The following STPG2 variants were observed in gnomAD, a reference collection of about 807,000 sequenced individuals.
STPG2 encodes the protein sperm tail PG-rich repeat containing 2, also known as sperm-tail PG-rich repeat-containing protein 2.
STPG2 carries 56 observed loss-of-function variants against 54.2 expected under a neutral mutation model. The observed-to-expected ratio is 1.03, with a 90% CI of 0.83 to 1.29. The LOEUF (loss-of-function observed/expected upper bound fraction) is 1.29. STPG2 is among the 50% of genes most tolerant of loss of function. The pLI is 0.00. For missense variants in STPG2, 596 were observed against 544.9 expected (o/e 1.09, Z -0.93); for synonymous variants, 200 against 181.8 (o/e 1.10, Z -0.81).
At chr4:97,758,802 G>A (rs890828829) in intron 9 of STPG2, among the ~76,000 whole-genome samples, 2 of 151,890 alleles carry the variant, frequency 1.3e-5, no homozygotes, top group Non-Finnish European at 2.9e-5. Context: ...TTAAAAAAAT[G>A]ACAGACATTT....
At chr4:98,139,940 G>A (rs551747218) in intron 1 of STPG2, among the ~76,000 whole-genome samples, 301 of 152,268 alleles carry the variant, frequency 2.0e-3, no homozygotes, top group African/African-American at 7.1e-3. Flanking sequence ...AGGAATAATG[G>A]AGTAAAGATC....
chr4:97,993,666 ATTC>A (rs1735097170), intron 5 of STPG2, among the ~76,000 whole-genome samples: 1 of 151,934 alleles, frequency 6.6e-6, no homozygotes, highest in African/African-American at 2.4e-5. Context: ...ATTGGTACCA[ATTC>A]TTCTTTGAAT....
At chr4:97,581,701 G>C (rs1732867459) in intron 10 of STPG2, among the ~76,000 whole-genome samples, 1 of 151,908 alleles carries the variant, frequency 6.6e-6, no homozygotes, top group Non-Finnish European at 1.5e-5. Flanking sequence ...AACACAAATG[G>C]GACAGGAGAA....
At chr4:97,799,475 G>T (rs1406018238) in intron 9 of STPG2, among the ~76,000 whole-genome samples, 1 of 152,162 alleles carries the variant, frequency 6.6e-6, no homozygotes, top group Non-Finnish European at 1.5e-5. Flanking sequence ...ATTTTGGGTT[G>T]AAAATTCTTT....
chr4:97,902,666 T>C (rs1277606617), intron 8 of STPG2, among the ~76,000 whole-genome samples: 1 of 152,054 alleles, frequency 6.6e-6, no homozygotes, highest in African/African-American at 2.4e-5. Context: ...TGAGGATGTG[T>C]AGAAAAGAAA....
intron 2 of STPG2, among the ~76,000 whole-genome samples, chr4:98,133,808 T>C (rs933148516): frequency 1.3e-5 from 2 of 151,992 alleles, no homozygotes; most frequent in Non-Finnish European, 2.9e-5. Flanking sequence ...CCAATACATA[T>C]AAATGCAAAA....
At chr4:97,933,490 G>T (rs570363560) in intron 8 of STPG2, among the ~76,000 whole-genome samples, 1 of 152,242 alleles carries the variant, frequency 6.6e-6, no homozygotes, top group African/African-American at 2.4e-5. Context: ...GGTTTTTACG[G>T]TTTTGGGTTT....
intron 5 of STPG2, among the ~76,000 whole-genome samples, chr4:98,069,333 A>T (rs1737931528): frequency 6.6e-6 from 1 of 152,046 alleles, no homozygotes; most frequent in East Asian, 1.9e-4. Context: ...ACTGATATGC[A>T]AACTTTTACG....
At chr4:97,737,183 AG>A (rs1323849718) in intron 9 of STPG2, among the ~76,000 whole-genome samples, 11 of 152,216 alleles carry the variant, frequency 7.2e-5, no homozygotes, top group African/African-American at 2.7e-4. Flanking sequence ...ATGAACAGAA[AG>A]GACATCCACA....
At chr4:97,848,185 T>G (rs1223920057) in intron 8 of STPG2, among the ~76,000 whole-genome samples, 1 of 152,194 alleles carries the variant, frequency 6.6e-6, no homozygotes, top group Non-Finnish European at 1.5e-5. Flanking sequence ...TCAAGTAGTA[T>G]CTCTTTCATT....
At chr4:97,660,072 A>G (rs998988364) in intron 10 of STPG2, among the ~76,000 whole-genome samples, 1 of 148,122 alleles carries the variant, frequency 6.8e-6, no homozygotes, top group African/African-American at 2.5e-5. Context: ...GCGCAATCTC[A>G]GCTCACTGCA....
In STPG2 at chr4:97,990,760, T is replaced by C. The variant is rs970441253; in HGVS notation, c.613-9442A>G. ...TGAAACAGGTTATTTATGGCATCTTTTCATCTGTAACCTAACAAAAAATGA... is the reference window on the plus strand; with the variant it reads ...TGAAACAGGTTATTTATGGCATCTTCTCATCTGTAACCTAACAAAAAATGA... On this transcript the variant is annotated intron_variant, in intron 5 of 10. Coordinates refer to ENST00000295268, the MANE Select transcript of STPG2 (RefSeq NM_174952.3). Among the ~76,000 whole-genome samples, 4 of 152,324 alleles carry C rather than the reference T, an allele frequency of 2.6e-5. No individual in the cohort carries two copies. The East Asian group carries it at 7.7e-4, about 29-fold the overall frequency.
intron 8 of STPG2, among the ~76,000 whole-genome samples, chr4:97,890,463 A>G (rs906076078): frequency 5.3e-5 from 8 of 151,924 alleles, no homozygotes; most frequent in Admixed American, 2.0e-4. Context: ...TAAATTTTAA[A>G]AAATTATTTA....
rs183218980 is a variant in STPG2 at position 97,725,833 on chromosome 4, G to A, written c.1205-13019C>T. On this transcript the variant is annotated intron_variant, in intron 9 of 10. Coordinates refer to ENST00000295268, the MANE Select transcript of STPG2 (RefSeq NM_174952.3). ...TCCAGGCATTGAAAGATATTCAGCCGTAGATATATTACTGTGAAACTGTAG... is the reference window on the plus strand; with the variant it reads ...TCCAGGCATTGAAAGATATTCAGCCATAGATATATTACTGTGAAACTGTAG... 2.1e-3 allele frequency among the ~76,000 whole-genome samples: 323 copies of A among 151,826 alleles called. 2 individuals are homozygous for A. Among genetic ancestry groups the A allele is most frequent in the Admixed American group, 9.8e-4 (15 of 15,264 alleles).
chr4:97,652,185 C>A (rs942733678), intron 10 of STPG2, among the ~76,000 whole-genome samples: 1 of 151,826 alleles, frequency 6.6e-6, no homozygotes, highest in Admixed American at 6.6e-5. Context: ...AAAAATATTT[C>A]TATTTACACA....
At chr4:97,792,998 C>T (rs1727050175) in intron 9 of STPG2, among the ~76,000 whole-genome samples, 1 of 151,900 alleles carries the variant, frequency 6.6e-6, no homozygotes, top group Non-Finnish European at 1.5e-5. Context: ...ACTAATAATA[C>T]AAAAATTAGC....
chr4:97,935,399 T>C (rs1432308419), intron 8 of STPG2, among the ~76,000 whole-genome samples: 2 of 152,196 alleles, frequency 1.3e-5, no homozygotes, highest in Non-Finnish European at 2.9e-5. Context: ...AATCTGATCT[T>C]AGTTATTTCT....
intron 8 of STPG2, among the ~76,000 whole-genome samples, chr4:97,931,048 A>G (rs1732527302): frequency 6.6e-6 from 1 of 152,182 alleles, no homozygotes; most frequent in South Asian, 2.1e-4. Flanking sequence ...CCTTAAATTT[A>G]TCTGAAGTTT....
intron 10 of STPG2, among the ~76,000 whole-genome samples, chr4:97,693,061 A>T (rs1424624753): frequency 6.6e-6 from 1 of 152,130 alleles, no homozygotes; most frequent in Non-Finnish European, 1.5e-5. Context: ...TAAACCTTGA[A>T]ACAACTTAAA....
Sources: gnomAD v4.1 joint callset for allele counts (sites outside exome capture counted in the v4.1 genomes callset) on GRCh38, gnomAD v4.1.1 for gene constraint, MANE v1.5 for transcripts, NCBI Gene and HGNC (gene_info 2026-07-23, HGNC 2026-07-21) for gene names.